NPAS3: variants seen among roughly 807,000 people sequenced by gnomAD.
NPAS3 encodes neuronal PAS domain-containing protein 3.
Under a neutral mutation model 73.1 loss-of-function variants are expected in NPAS3, and 14 were observed. The observed-to-expected ratio is 0.19, with a 90% CI of 0.13 to 0.30. The LOEUF (loss-of-function observed/expected upper bound fraction) is 0.30. NPAS3 is among the 10% of genes least tolerant of loss of function. The pLI is 1.00. For synonymous variants in NPAS3, 620 were observed against 541.5 expected, an observed-to-expected ratio of 1.14 and a Z score of -2.01; for missense variants, 1,096 against 1,250.0, an observed-to-expected ratio of 0.88 and a Z score of 1.86.
intron 2 of NPAS3, among the ~76,000 whole-genome samples, chr14:33,122,944 G>A (rs534140635): frequency 1.1e-4 from 17 of 152,094 alleles, no homozygotes; most frequent in African/African-American, 1.7e-4. Context: ...CAGTTAAGTC[G>A]AAAATAAAAC....
chr14:33,103,009 G>A (rs2042622084), intron 2 of NPAS3, among the ~76,000 whole-genome samples: 3 of 152,146 alleles, frequency 2.0e-5, no homozygotes, highest in Admixed American at 2.0e-4. Context: ...ATTTGCAGAT[G>A]GGCATGGTTT....
At chr14:32,982,830 A>G (rs187680222) in intron 1 of NPAS3, among the ~76,000 whole-genome samples, 1 of 152,332 alleles carries the variant, frequency 6.6e-6, no homozygotes, top group Non-Finnish European at 1.5e-5. Flanking sequence ...TATCACTCAG[A>G]TGGTGGAGGC....
At chr14:33,074,552 G>T (rs1328236925) in intron 2 of NPAS3, among the ~76,000 whole-genome samples, 2 of 152,122 alleles carry the variant, frequency 1.3e-5, no homozygotes, top group African/African-American at 2.4e-5. Context: ...GAGTAGCTGG[G>T]ATTACAGGTG....
intron 5 of NPAS3, among the ~76,000 whole-genome samples, chr14:33,592,351 G>T (rs1303552350): frequency 6.6e-6 from 1 of 152,166 alleles, no homozygotes; most frequent in Non-Finnish European, 1.5e-5. Flanking sequence ...TTGAAATGTG[G>T]TCCCTGTCCT....
chr14:33,569,135 G>T (rs2056097523), intron 5 of NPAS3, among the ~76,000 whole-genome samples: 1 of 152,154 alleles, frequency 6.6e-6, no homozygotes, highest in Non-Finnish European at 1.5e-5. Flanking sequence ...CAGCACACCA[G>T]GTTTTCCTCT....
chr14:33,766,372 T>C (rs756965416), intron 7 of NPAS3, among the ~76,000 whole-genome samples: 1 of 152,180 alleles, frequency 6.6e-6, no homozygotes, highest in Non-Finnish European at 1.5e-5. Context: ...ATTACATCAC[T>C]CTTCCCGCTC....
chr14:33,677,957 G>C (rs570300639), intron 6 of NPAS3, among the ~76,000 whole-genome samples: 1 of 152,204 alleles, frequency 6.6e-6, no homozygotes, highest in African/African-American at 2.4e-5. Flanking sequence ...ACATGCAAAC[G>C]GTTTTCTACT....
rs541899494 is a variant in NPAS3, at chr14:33,751,491, C to T, written c.852+16159C>T. ...AACTAAGACCTGTATGCATTGAAAGCTGGCATTGCAAAATGCATCAGAGAT... is the reference window on the plus strand; with the variant it reads ...AACTAAGACCTGTATGCATTGAAAGTTGGCATTGCAAAATGCATCAGAGAT... On this transcript the variant is annotated intron_variant, in intron 7 of 11. Transcript: ENST00000356141. 3.9e-5 allele frequency among the ~76,000 whole-genome samples: 6 copies of T among 152,288 alleles called. No homozygotes were observed. The South Asian group carries it at 8.3e-4, about 21-fold the overall frequency.
Position 33,800,639 on chromosome 14 carries a change from C to A in NPAS3, c.2332C>A (p.Pro778Thr). Residue 778 changes from proline (P) to threonine (T), a missense_variant, in exon 12 of 12, where the codon CCC (proline) becomes ACC (threonine). Transcript: ENST00000356141. This position sits in a 1 kb window ranked among gnomAD's most constrained non-coding sequence, Gnocchi z 6.5. ...GGGCGGCGGCGCGGGGGGCGGCGGC[C>A]CCAGCGCGTCCAACTCCTTGCTGTA... 6.9e-7 allele frequency: 1 copy of A among 1,439,522 alleles called. No individual in the cohort carries two copies. The highest frequency in any genetic ancestry group is 9.0e-7 in the Non-Finnish European group (1 of 1,106,354). 89.2% of individuals were successfully genotyped at this position (1,439,522 alleles called of 1,614,324 possible).
chr14:33,666,041 A>G (rs1222877347), intron 5 of NPAS3, among the ~76,000 whole-genome samples: 1 of 152,214 alleles, frequency 6.6e-6, no homozygotes, highest in Non-Finnish European at 1.5e-5. Context: ...CAACTTGAGA[A>G]GAAAAATGAG....
chr14:33,025,644 G>C (rs1328454368), intron 1 of NPAS3, among the ~76,000 whole-genome samples: 1 of 152,108 alleles, frequency 6.6e-6, no homozygotes, highest in Non-Finnish European at 1.5e-5. Flanking sequence ...TTGGATCATG[G>C]GGGTAGATTT....
At chr14:33,216,665 A>G (rs746599716) in intron 3 of NPAS3, among the ~76,000 whole-genome samples, 1 of 152,244 alleles carries the variant, frequency 6.6e-6, no homozygotes, top group Non-Finnish European at 1.5e-5. Flanking sequence ...AAAATTAGCC[A>G]TAGACAATAT....
chr14:33,117,275 G>C (rs542595729), intron 2 of NPAS3, among the ~76,000 whole-genome samples: 1 of 152,138 alleles, frequency 6.6e-6, no homozygotes, highest in Non-Finnish European at 1.5e-5. Flanking sequence ...TTCACGGCTA[G>C]AGGGGATTTG....
intron 3 of NPAS3, among the ~76,000 whole-genome samples, chr14:33,257,873 C>T (rs944246783): frequency 2.6e-5 from 4 of 152,048 alleles, no homozygotes; most frequent in African/African-American, 7.2e-5. Flanking sequence ...TATTTTATGC[C>T]AGTAATCATA....
Position 32,962,318 on chromosome 14 carries a change from A to G in NPAS3, c.50+22952A>G, listed in dbSNP as rs143195352. Among the ~76,000 whole-genome samples the G allele has an allele frequency of 3.7e-4, 57 of 152,300 alleles. 1 individual carries two copies. Among genetic ancestry groups the G allele is most frequent in the African/African-American group, 1.3e-3 (54 of 41,580 alleles). The stretch of plus-strand genomic sequence containing the variant: ...ATTTTGAAACTATTAACCACTACTG[A>G]TTTATTTCAAACTGCAAGTAATAAC... On this transcript the variant is annotated intron_variant, in intron 1 of 11. Transcript: ENST00000356141.
upstream of NPAS3, chr14:32,939,297 G>A (rs760323083): frequency 2.8e-6 from 2 of 723,892 alleles, no homozygotes; most frequent in Admixed American, 1.9e-5. Context: ...AAGTAAGAGA[G>A]GAAAAAAAAT....
intron 2 of NPAS3, among the ~76,000 whole-genome samples, chr14:33,182,849 G>A (rs1014040578): frequency 2.0e-5 from 3 of 152,102 alleles, no homozygotes; most frequent in Non-Finnish European, 4.4e-5. Flanking sequence ...AAACAGCAAT[G>A]AATGCTGAAA....
intron 6 of NPAS3, among the ~76,000 whole-genome samples, chr14:33,698,036 G>C (rs981267353): frequency 2.0e-5 from 3 of 152,228 alleles, no homozygotes; most frequent in Non-Finnish European, 1.5e-5. Flanking sequence ...GACCCTTGCA[G>C]CTCATGCATC....
At chr14:33,801,228 C>A, downstream of NPAS3, 1 of 1,474,840 alleles carries the variant, frequency 6.8e-7, no homozygotes, top group South Asian at 1.3e-5. Context: ...TCTCTCGCCA[C>A]GACGGTCCCC....
Sources: allele counts gnomAD v4.1 joint callset (sites outside exome capture counted in the v4.1 genomes callset), GRCh38; gene constraint gnomAD v4.1.1; non-coding constraint Gnocchi (gnomAD v3.1); transcripts MANE v1.5; gene names NCBI Gene and HGNC (gene_info 2026-07-23, HGNC 2026-07-21).